BACE2: variants seen among roughly 807,000 people sequenced by gnomAD.
The protein encoded by BACE2 is 56 kDa aspartic-like protease.
Under a neutral mutation model 46.2 loss-of-function variants are expected in BACE2, and 17 were observed. The observed-to-expected ratio is 0.37, with a 90% CI of 0.25 to 0.55. BACE2 has a LOEUF of 0.55. Among genes scored for constraint, BACE2 ranks in the 20% least tolerant of loss-of-function variants. The pLI is 0.82. For synonymous variants in BACE2, 277 were observed against 295.9 expected (o/e 0.94, Z 0.66); for missense variants, 595 against 698.1 (o/e 0.85, Z 1.66).
rs920299641 is a variant in BACE2, at chr21:41,222,386, G to A, written c.313-3880G>A. Among the ~76,000 whole-genome samples the A allele has an allele frequency of 3.2e-4, 48 of 152,208 alleles. 1 individual carries two copies. Among genetic ancestry groups the A allele is most frequent in the Admixed American group, 2.8e-3 (43 of 15,268 alleles). On this transcript the variant is annotated intron_variant, in intron 1 of 8. Coordinates refer to ENST00000330333, the MANE Select transcript of BACE2 (RefSeq NM_012105.5). ...GCTTCGTGGAGAAGGTGGCGTTGAA[G>A]GAAGCCTGGAAGGGAGCGATGGGCC...
At position 41,281,643 on chromosome 21, in the gene BACE2, A is replaced by G. The variant is rs142341022; in HGVS notation, c.*6019A>G. The G allele has an allele frequency of 2.7e-4, 41 of 152,366 alleles. No individual in the cohort carries two copies. The highest frequency in any genetic ancestry group is 9.6e-4 in the African/African-American group (40 of 41,586). The allele number at this position is 152,366 out of a possible 1,614,324, so 9.4% of individuals were successfully genotyped here. On this transcript the variant is annotated 3_prime_UTR_variant, in exon 9 of 9. Transcript: ENST00000330333. The stretch of plus-strand genomic sequence containing the variant: ...GCATTTCTAAGATTAGTGTTCCTGA[A>G]TGAAATGTTAAGAAAACATTAAAAG...
At chr21:41,249,320 A>T (rs1480052337) in intron 6 of BACE2, among the ~76,000 whole-genome samples, 1 of 148,290 alleles carries the variant, frequency 6.7e-6, no homozygotes, top group Non-Finnish European at 1.5e-5. Context: ...GGGACTCAGG[A>T]CTAGTGAGCC....
intron 2 of BACE2, among the ~76,000 whole-genome samples, chr21:41,233,057 A>G (rs1322373348): frequency 1.3e-5 from 2 of 151,936 alleles, no homozygotes; most frequent in Non-Finnish European, 2.9e-5. Flanking sequence ...TTCAGTAGAG[A>G]CGGGGTTTCA....
At chr21:41,240,210 G>A (rs1319331081) in intron 3 of BACE2, among the ~76,000 whole-genome samples, 1 of 152,148 alleles carries the variant, frequency 6.6e-6, no homozygotes, top group Admixed American at 6.5e-5. Flanking sequence ...GCTCTGCAGT[G>A]GTCAGGTTGT....
intron 8 of BACE2, among the ~76,000 whole-genome samples, chr21:41,259,381 A>G (rs1026909720): frequency 3.9e-5 from 6 of 152,064 alleles, no homozygotes; most frequent in Non-Finnish European, 7.4e-5. Flanking sequence ...CAGGGCTGCA[A>G]TTAACGGCCC....
rs528239128 is a variant in BACE2 at position 41,241,517 on chromosome 21, G to A, written c.619-302G>A. 7.2e-4 allele frequency among the ~76,000 whole-genome samples: 109 copies of A among 152,174 alleles called. 1 individual carries two copies. The highest frequency in any genetic ancestry group is 2.0e-3 in the African/African-American group (84 of 41,508). On this transcript the variant is annotated intron_variant, in intron 3 of 8. Coordinates refer to ENST00000330333, the MANE Select transcript of BACE2 (RefSeq NM_012105.5). ...ACCTGCCACGGTAACCTACTTCCAC[G>A]GCTTCTCACACCCCCTCACAAGGCA...
intron 1 of BACE2, chr21:41,178,188 G>A (rs1282259843): frequency 6.6e-6 from 1 of 152,252 alleles, no homozygotes; most frequent in Non-Finnish European, 1.5e-5. Flanking sequence ...GCTGGCCTAG[G>A]AGTTGCTGCC....
At chr21:41,251,461 C>G (rs1346965662) in intron 7 of BACE2, among the ~76,000 whole-genome samples, 1 of 152,206 alleles carries the variant, frequency 6.6e-6, no homozygotes, top group Non-Finnish European at 1.5e-5. Context: ...ACATTTTTGT[C>G]ACACCTACCA....
At chr21:41,270,365 G>A (rs2088422259) in intron 8 of BACE2, among the ~76,000 whole-genome samples, 1 of 152,108 alleles carries the variant, frequency 6.6e-6, no homozygotes, top group African/African-American at 2.4e-5. Context: ...TACAAATTGT[G>A]CTTTTGGGTA....
At chr21:41,266,007 T>A (rs1988059542) in intron 8 of BACE2, among the ~76,000 whole-genome samples, 2 of 152,226 alleles carry the variant, frequency 1.3e-5, no homozygotes, top group Admixed American at 1.3e-4. Context: ...TACTTTTTTT[T>A]ACTTTAAATC....
At chr21:41,273,110 C>T (rs554675157) in intron 8 of BACE2, among the ~76,000 whole-genome samples, 19 of 152,130 alleles carry the variant, frequency 1.2e-4, no homozygotes, top group African/African-American at 4.3e-4. Context: ...AGGGAGTGTA[C>T]GAATAGGGTG....
chr21:41,210,557 G>A (rs1367481995), intron 1 of BACE2, among the ~76,000 whole-genome samples: 1 of 152,162 alleles, frequency 6.6e-6, no homozygotes, highest in Non-Finnish European at 1.5e-5. Flanking sequence ...AGATCAGCCA[G>A]ATTCAAATGA....
chr21:41,246,466 A>G (rs1987475469), intron 6 of BACE2, among the ~76,000 whole-genome samples: 1 of 152,216 alleles, frequency 6.6e-6, no homozygotes, highest in Non-Finnish European at 1.5e-5. Flanking sequence ...GTTAGAGTAA[A>G]CAATAAATCG....
intron 1 of BACE2, chr21:41,225,702 A>T (rs968380481): frequency 6.6e-6 from 1 of 152,642 alleles, no homozygotes; most frequent in Non-Finnish European, 1.5e-5. Context: ...CCAGGTGAGC[A>T]TTTAAGATCT....
At chr21:41,211,468 GA>G (rs1986301902) in intron 1 of BACE2, among the ~76,000 whole-genome samples, 1 of 152,222 alleles carries the variant, frequency 6.6e-6, no homozygotes, top group South Asian at 2.1e-4. Context: ...AATGGCGCAT[GA>G]CAATTATTTT....
chr21:41,233,516 A>G (rs1987025400), intron 2 of BACE2, among the ~76,000 whole-genome samples: 1 of 152,256 alleles, frequency 6.6e-6, no homozygotes, highest in Non-Finnish European at 1.5e-5. Flanking sequence ...TGAGCAGGAA[A>G]CTAGAGAAGA....
At chr21:41,202,337 G>T (rs187535727) in intron 1 of BACE2, among the ~76,000 whole-genome samples, 2 of 152,180 alleles carry the variant, frequency 1.3e-5, no homozygotes, top group Non-Finnish European at 2.9e-5. Context: ...GGAGGATTTC[G>T]AGGGGGTATG....
rs374931993 is a variant in BACE2, at chr21:41,257,245, G to A, written c.1222G>A (p.Gly408Ser). 1.6e-5 allele frequency: 26 copies of A among 1,614,138 alleles called. No homozygotes were observed. Among genetic ancestry groups the A allele is most frequent in the Middle Eastern group, 1.7e-4 (1 of 6,060 alleles). Reference protein sequence around the residue: ...ISPSTNALVIGATVMEGFYVI... With the variant: ...ISPSTNALVISATVMEGFYVI... The stretch of plus-strand genomic sequence containing the variant: ...CCCATCCACAAATGCGCTGGTGATC[G>A]GTGCCACGGTGATGGAGGGCTTCTA... The change falls in exon 8 of 9, where the codon GGT becomes AGT. Residue 408 changes from glycine to serine, a missense_variant. Gly to Ser is a moderately conservative substitution (Grantham distance 56, BLOSUM62 0). This residue lies in a region of BACE2 where 343 missense variants were observed against 419.4 expected (regional missense o/e 0.82). Transcript: ENST00000330333.
chr21:41,187,331 C>T (rs981652241), intron 1 of BACE2, among the ~76,000 whole-genome samples: 10 of 152,210 alleles, frequency 6.6e-5, no homozygotes, highest in African/African-American at 2.2e-4. Context: ...CAGAGAGTCA[C>T]AGGTGCTTGC....
Sources: allele counts gnomAD v4.1 joint callset (sites outside exome capture counted in the v4.1 genomes callset), GRCh38; gene constraint gnomAD v4.1.1; regional missense constraint gnomAD v4.1.1; transcripts MANE v1.5; gene names NCBI Gene and HGNC (gene_info 2026-07-23, HGNC 2026-07-21).